The following COG5 variants were observed in gnomAD, a reference collection of about 807,000 sequenced individuals.
COG5 encodes conserved oligomeric Golgi complex subunit 5.
Under a neutral mutation model 110.4 loss-of-function variants are expected in COG5, and 86 were observed. The ratio of observed to expected loss-of-function variants is 0.78; its 90% CI spans 0.65 to 0.93. The LOEUF (loss-of-function observed/expected upper bound fraction) is 0.93, where lower values mean the gene tolerates loss of function less well. Ranked by LOEUF, COG5 falls within the 40% of genes least tolerant of loss-of-function variation. COG5 has a pLI of 0.00. For missense variants in COG5, 1,077 were observed against 987.0 expected (o/e 1.09, Z -1.22); for synonymous variants, 360 against 334.6 (o/e 1.08, Z -0.83).
chr7:107,504,805 C>T (rs1798869526), intron 6 of COG5, among the ~76,000 whole-genome samples: 1 of 152,112 alleles, frequency 6.6e-6, no homozygotes, highest in Non-Finnish European at 1.5e-5. Flanking sequence ...TAATAGTAGT[C>T]TCAAATGATC....
chr7:107,385,092 C>T (rs1461871881), intron 7 of COG5, among the ~76,000 whole-genome samples: 4 of 152,166 alleles, frequency 2.6e-5, no homozygotes, highest in Non-Finnish European at 4.4e-5. Flanking sequence ...AAGCCAATGA[C>T]TGATGTCCTT....
chr7:107,394,261 C>A (rs1190643969), intron 7 of COG5, among the ~76,000 whole-genome samples: 3 of 149,952 alleles, frequency 2.0e-5, no homozygotes, highest in African/African-American at 7.4e-5. Context: ...CCATGCCTGG[C>A]CAGAAAAGAT....
In COG5 at chr7:107,324,585, T is replaced by C. The variant is rs1027121912; in HGVS notation, c.1027-64A>G. On this transcript the variant is annotated intron_variant, in intron 10 of 21. Transcript: ENST00000297135. ...ATGCATTTATTTTAAGAAATCATAA[T>C]GGGTAACACGTAACCTTGAAAAGTT... 11 of 902,232 alleles carry C rather than the reference T, an allele frequency of 1.2e-5. No homozygotes were observed. The African/African-American group carries it at 1.7e-4, about 14-fold the overall frequency. The allele number at this position is 902,232 out of a possible 1,614,324, so 55.9% of individuals were successfully genotyped here.
intron 1 of COG5, chr7:107,563,524 C>G: frequency 2.2e-6 from 1 of 462,254 alleles, no homozygotes; most frequent in Non-Finnish European, 3.9e-6. Context: ...GCTCCCGAAA[C>G]TTCAGGGAAG....
intron 16 of COG5, chr7:107,253,132 T>TA (rs907741134): frequency 1.3e-5 from 2 of 152,022 alleles, no homozygotes; most frequent in Admixed American, 1.3e-4. Flanking sequence ...AAGTAAGAAA[T>TA]AAAAATCCCT....
intron 6 of COG5, among the ~76,000 whole-genome samples, chr7:107,477,462 G>T (rs1797059706): frequency 6.6e-6 from 1 of 151,548 alleles, no homozygotes; most frequent in Non-Finnish European, 1.5e-5. Flanking sequence ...CTGCTTTCAT[G>T]CCTTCTTGTC....
At chr7:107,272,392 T>C (rs375953612) in intron 14 of COG5, among the ~76,000 whole-genome samples, 32 of 152,288 alleles carry the variant, frequency 2.1e-4, no homozygotes, top group East Asian at 1.9e-3. Flanking sequence ...CTTACATATG[T>C]TGATTGATGT....
rs1014742148 is a variant in COG5 at position 107,489,423 on chromosome 7, G to A, written c.538+37814C>T. ...AAAAGAAAGCTGTATAGTTCACTCAGCTTCTGGTGACAAACAATACTGTTA... is the reference window on the plus strand; with the variant it reads ...AAAAGAAAGCTGTATAGTTCACTCAACTTCTGGTGACAAACAATACTGTTA... On this transcript the variant is annotated intron_variant, in intron 6 of 21. Transcript: ENST00000297135. Among the ~76,000 whole-genome samples, 5 of 152,258 alleles carry A rather than the reference G, an allele frequency of 3.3e-5. No homozygotes were observed. In the East Asian group the frequency reaches 9.6e-4, roughly 29 times the overall value.
intron 21 of COG5, chr7:107,209,804 C>T: frequency 2.0e-6 from 2 of 984,704 alleles, no homozygotes; most frequent in Non-Finnish European, 2.4e-6. Flanking sequence ...TGTGCTGAGT[C>T]CCAGTTTATG....
intron 11 of COG5, among the ~76,000 whole-genome samples, chr7:107,311,685 G>T (rs906852227): frequency 2.6e-5 from 4 of 151,910 alleles, no homozygotes; most frequent in African/African-American, 9.7e-5. Flanking sequence ...GAGCCACCGC[G>T]CCCGGCCACA....
intron 7 of COG5, among the ~76,000 whole-genome samples, chr7:107,393,755 C>T (rs1023189176): frequency 4.6e-5 from 7 of 152,124 alleles, no homozygotes; most frequent in Non-Finnish European, 1.0e-4. Context: ...TAAAATACTA[C>T]GCTAGAAAAA....
chr7:107,454,190 AACC>A (rs1795524643), intron 6 of COG5, among the ~76,000 whole-genome samples: 1 of 152,214 alleles, frequency 6.6e-6, no homozygotes. Context: ...AATATGATGA[AACC>A]ACTTAAAAGA....
intron 21 of COG5, chr7:107,210,021 G>C (rs2116186865): frequency 9.9e-7 from 1 of 1,007,374 alleles, no homozygotes; most frequent in Admixed American, 5.2e-5. Context: ...GTGTGGGCAA[G>C]AGCACATGCG....
Position 107,203,397 on chromosome 7 carries a change from A to T in COG5, c.*119T>A. On this transcript the variant is annotated 3_prime_UTR_variant, in exon 22 of 22. Coordinates refer to ENST00000297135, the MANE Select transcript of COG5 (RefSeq NM_006348.5). ...AGGTAAATAAACGTCGATAGGAAAT[A>T]CCGAACAATCAATTACATTCTTAAA... The T allele has an allele frequency of 1.3e-6, 1 of 759,764 alleles. No homozygotes were observed. The highest frequency in any genetic ancestry group is 2.4e-6 in the Non-Finnish European group (1 of 423,736). The allele number at this position is 759,764 out of a possible 1,614,324, so 47.1% of individuals were successfully genotyped here.
chr7:107,378,208 A>G (rs1814794003), intron 7 of COG5, among the ~76,000 whole-genome samples: 1 of 152,196 alleles, frequency 6.6e-6, no homozygotes, highest in Non-Finnish European at 1.5e-5. Context: ...ACTAACAAAC[A>G]GAAAGGAATA....
At chr7:107,339,739 T>A (rs995537140) in intron 10 of COG5, among the ~76,000 whole-genome samples, 1 of 151,864 alleles carries the variant, frequency 6.6e-6, no homozygotes, top group Non-Finnish European at 1.5e-5. Flanking sequence ...CACAATTACA[T>A]GGAAATTAAA....
chr7:107,291,024 T>C (rs1434258697), intron 12 of COG5, among the ~76,000 whole-genome samples: 2 of 152,210 alleles, frequency 1.3e-5, no homozygotes, highest in Non-Finnish European at 2.9e-5. Context: ...TACCACGATG[T>C]ATCTGTTTGT....
At chr7:107,257,154 A>T (rs532368844) in intron 15 of COG5, among the ~76,000 whole-genome samples, 21 of 152,252 alleles carry the variant, frequency 1.4e-4, no homozygotes, top group African/African-American at 4.8e-4. Context: ...GATTTCCAAC[A>T]AGTCTTTAAA....
At chr7:107,367,874 C>T (rs1309832811) in intron 8 of COG5, among the ~76,000 whole-genome samples, 2 of 151,924 alleles carry the variant, frequency 1.3e-5, no homozygotes, top group African/African-American at 4.8e-5. Flanking sequence ...TTAGACTTCA[C>T]CACTATACAA....
Sources: gnomAD v4.1 joint callset for allele counts (sites outside exome capture counted in the v4.1 genomes callset) on GRCh38, gnomAD v4.1.1 for gene constraint, MANE v1.5 for transcripts, NCBI Gene and HGNC (gene_info 2026-07-23, HGNC 2026-07-21) for gene names.